CNTNAP2: variants seen among roughly 807,000 people sequenced by gnomAD.
The protein encoded by CNTNAP2 is contactin-associated protein-like 2.
CNTNAP2 carries 98 observed loss-of-function variants against 155.2 expected under a neutral mutation model. The ratio of observed to expected loss-of-function variants is 0.63; its 90% confidence interval spans 0.54 to 0.75. The LOEUF (loss-of-function observed/expected upper bound fraction) is 0.75. CNTNAP2 is among the 30% of genes least tolerant of loss of function. The pLI is 0.00. For missense variants in CNTNAP2, 1,727 were observed against 1,688.1 expected, an observed-to-expected ratio of 1.02 and a Z score of -0.40; for synonymous variants, 651 against 631.2, an observed-to-expected ratio of 1.03 and a Z score of -0.47.
At chr7:147,515,700 A>C (rs1017099265) in intron 11 of CNTNAP2, among the ~76,000 whole-genome samples, 1 of 152,182 alleles carries the variant, frequency 6.6e-6, no homozygotes, top group African/African-American at 2.4e-5. Context: ...TGTTAATTAC[A>C]TGAGTTCAGG....
chr7:147,077,690 A>G (rs1800023936), intron 4 of CNTNAP2, among the ~76,000 whole-genome samples: 1 of 152,046 alleles, frequency 6.6e-6, no homozygotes, highest in East Asian at 1.9e-4. Flanking sequence ...AAGCTTTGAC[A>G]TTTTCTAGCT....
chr7:146,656,621 A>G (rs1259264856), intron 1 of CNTNAP2, among the ~76,000 whole-genome samples: 1 of 152,192 alleles, frequency 6.6e-6, no homozygotes, highest in Non-Finnish European at 1.5e-5. Flanking sequence ...CAATGTGAGA[A>G]AGAAACACAA....
intron 12 of CNTNAP2, among the ~76,000 whole-genome samples, chr7:147,598,185 T>G (rs1259875879): frequency 8.6e-5 from 13 of 152,006 alleles, no homozygotes; most frequent in Non-Finnish European, 1.3e-4. Flanking sequence ...TTTTTTCTAC[T>G]TTAAGTTCTG....
At chr7:148,257,765 A>G (rs1285714680) in intron 20 of CNTNAP2, among the ~76,000 whole-genome samples, 4 of 152,136 alleles carry the variant, frequency 2.6e-5, no homozygotes, top group Non-Finnish European at 5.9e-5. Flanking sequence ...CAGTCTCCCC[A>G]TCGATGTGGT....
intron 9 of CNTNAP2, among the ~76,000 whole-genome samples, chr7:147,362,694 C>A (rs1334434704): frequency 1.3e-5 from 2 of 152,022 alleles, no homozygotes; most frequent in African/African-American, 2.4e-5. Flanking sequence ...GAGTGCATAT[C>A]TGTGTCCCTT....
intron 12 of CNTNAP2, among the ~76,000 whole-genome samples, chr7:147,628,436 A>G (rs1354850748): frequency 6.6e-6 from 1 of 152,202 alleles, no homozygotes; most frequent in Non-Finnish European, 1.5e-5. Context: ...AAATGCTGAG[A>G]AAATTTGCCA....
chr7:148,365,731 T>C lies in CNTNAP2; in HGVS notation c.3476-17918T>C, dbSNP rs1212315058. Among the ~76,000 whole-genome samples the C allele has an allele frequency of 4.6e-3, 141 of 30,416 alleles. 3 individuals are homozygous for C. The highest frequency in any genetic ancestry group is 0.011 in the African/African-American group (132 of 12,328). The allele number at this position is 30,416 out of a possible 152,430, so 20.0% of individuals were successfully genotyped here. A position where few individuals can be genotyped will look rare whatever the true frequency, so the allele number is the denominator to read the frequency against. ...TTATATATATGTATACGTGTATATA[T>C]GTATGTGTATACATGTATACATGTA... On this transcript the variant is annotated intron_variant, in intron 21 of 23. Transcript: ENST00000361727.
intron 9 of CNTNAP2, among the ~76,000 whole-genome samples, chr7:147,301,742 G>T (rs1392691589): frequency 1.3e-5 from 2 of 151,732 alleles, no homozygotes; most frequent in Admixed American, 6.6e-5. Context: ...CTGGAATGTT[G>T]TAGATGAACA....
At chr7:147,062,205 T>C (rs192227773) in intron 4 of CNTNAP2, among the ~76,000 whole-genome samples, 2 of 117,184 alleles carry the variant, frequency 1.7e-5, no homozygotes, top group South Asian at 2.9e-4. Context: ...ATTAAAACCA[T>C]AGACAGTACC....
At chr7:146,170,039 G>A (rs557298575) in intron 1 of CNTNAP2, among the ~76,000 whole-genome samples, 1 of 139,054 alleles carries the variant, frequency 7.2e-6, no homozygotes, top group Admixed American at 7.3e-5. Flanking sequence ...TTTTTTTGGA[G>A]TGGGGTGGTC....
chr7:146,548,781 A>G (rs1177980320), intron 1 of CNTNAP2, among the ~76,000 whole-genome samples: 1 of 104,168 alleles, frequency 9.6e-6, no homozygotes, highest in Non-Finnish European at 2.0e-5. Flanking sequence ...ATTTGGAAAT[A>G]TTTTCCCATT....
At chr7:146,684,296 C>A (rs1800555864) in intron 1 of CNTNAP2, among the ~76,000 whole-genome samples, 1 of 152,098 alleles carries the variant, frequency 6.6e-6, no homozygotes, top group Non-Finnish European at 1.5e-5. Context: ...GCAAAGGCAA[C>A]TTTAAGAACT....
intron 1 of CNTNAP2, among the ~76,000 whole-genome samples, chr7:146,624,438 TTTTA>T (rs1429033388): frequency 6.6e-6 from 1 of 151,236 alleles, no homozygotes; most frequent in East Asian, 1.9e-4. Flanking sequence ...TGTCTGTTAT[TTTTA>T]TTTTAATATG....
At chr7:147,618,008 C>T (rs1043508847) in intron 12 of CNTNAP2, among the ~76,000 whole-genome samples, 4 of 152,094 alleles carry the variant, frequency 2.6e-5, no homozygotes, top group African/African-American at 9.7e-5. Flanking sequence ...AGTTAGTGTT[C>T]AAGTGCTGAT....
At chr7:147,685,627 C>T (rs1460659636) in intron 13 of CNTNAP2, among the ~76,000 whole-genome samples, 1 of 151,780 alleles carries the variant, frequency 6.6e-6, no homozygotes, top group Non-Finnish European at 1.5e-5. Flanking sequence ...AAATCGTCAC[C>T]TTCTAAAGCT....
At chr7:147,379,478 A>G (rs185827176) in intron 9 of CNTNAP2, among the ~76,000 whole-genome samples, 17 of 152,144 alleles carry the variant, frequency 1.1e-4, no homozygotes, top group Non-Finnish European at 2.4e-4. Context: ...GTGAATCCAG[A>G]GAGGGGTTAC....
intron 1 of CNTNAP2, among the ~76,000 whole-genome samples, chr7:146,294,355 A>G (rs979555894): frequency 3.3e-5 from 5 of 152,156 alleles, no homozygotes; most frequent in Non-Finnish European, 5.9e-5. Context: ...GGATATTTGG[A>G]CGCTGCCCTC....
chr7:147,973,207 A>G (rs949553476), intron 14 of CNTNAP2, among the ~76,000 whole-genome samples: 1 of 149,550 alleles, frequency 6.7e-6, no homozygotes, highest in Non-Finnish European at 1.5e-5. Context: ...GGATCACAAA[A>G]ACTTTGTGCT....
rs1562969245 is a variant in CNTNAP2 at position 146,151,971 on chromosome 7, TA to T, written c.97+35005del. 2.6e-5 allele frequency among the ~76,000 whole-genome samples: 4 copies of T among 151,126 alleles called. No homozygotes were observed. The South Asian group carries it at 8.3e-4, about 31-fold the overall frequency. On this transcript the variant is annotated intron_variant, in intron 1 of 23. Transcript: ENST00000361727. ...ACAGTATGGAGGTTACTCAGAAAAT[TA>T]AAAAAAGAACTACCATATGATTCAG...
Sources: allele counts gnomAD v4.1 joint callset (sites outside exome capture counted in the v4.1 genomes callset), GRCh38; gene constraint gnomAD v4.1.1; transcripts MANE v1.5; gene names NCBI Gene and HGNC (gene_info 2026-07-23, HGNC 2026-07-21).